PLCE1: variants seen among roughly 807,000 people sequenced by gnomAD.
The protein encoded by PLCE1 is 1-phosphatidylinositol 4,5-bisphosphate phosphodiesterase epsilon-1.
In PLCE1, 119 loss-of-function variants were observed where a neutral mutation model predicts 242.8. The observed-to-expected ratio is 0.49, with a 90% confidence interval of 0.42 to 0.57. PLCE1 has a LOEUF of 0.57. Ranked by LOEUF, PLCE1 falls within the 20% of genes least tolerant of loss-of-function variation. PLCE1 has a pLI of 0.00. For synonymous variants in PLCE1, 945 were observed against 1,017.4 expected (o/e 0.93, Z 1.35); for missense variants, 2,441 against 2,788.8 (o/e 0.88, Z 2.81).
At chr10:94,166,174 A>G (rs2047795991) in intron 3 of PLCE1, among the ~76,000 whole-genome samples, 1 of 152,202 alleles carries the variant, frequency 6.6e-6, no homozygotes, top group South Asian at 2.1e-4. Flanking sequence ...ATAATATTCC[A>G]TTGTTCTCAA....
intron 4 of PLCE1, among the ~76,000 whole-genome samples, chr10:94,215,914 C>G (rs972722075): frequency 6.6e-6 from 1 of 151,806 alleles, no homozygotes. Flanking sequence ...CAATGAGACC[C>G]GAACTCAAAT....
chr10:94,000,897 C>G (rs1370459387), intron 1 of PLCE1, among the ~76,000 whole-genome samples: 1 of 152,172 alleles, frequency 6.6e-6, no homozygotes, highest in Non-Finnish European at 1.5e-5. Context: ...TGTCTTTTCT[C>G]CCCTGACTAC....
chr10:94,258,891 G>A lies in PLCE1; in HGVS notation c.3646G>A (p.Val1216Ile), dbSNP rs745345130. The change falls in exon 12 of 33, where the codon GTT (valine) becomes ATT (isoleucine). Residue 1216 changes from valine to isoleucine, a missense_variant. Coordinates refer to ENST00000371380, the MANE Select transcript of PLCE1 (RefSeq NM_016341.4). ...GGTTTCAGATAGCAACATGAGTTTTGTTGAATTTGTTGAGCTGTTCAAATC... is the reference window on the plus strand; with the variant it reads ...GGTTTCAGATAGCAACATGAGTTTTATTGAATTTGTTGAGCTGTTCAAATC... ...FMVSDSNMSF[V>I]EFVELFKSFS... 5.6e-6 allele frequency: 9 copies of A among 1,613,978 alleles called. No individual in the cohort carries two copies. Among genetic ancestry groups the A allele is most frequent in the Non-Finnish European group, 7.6e-6 (9 of 1,179,990 alleles).
intron 2 of PLCE1, among the ~76,000 whole-genome samples, chr10:94,042,407 T>A (rs751954876): frequency 6.6e-6 from 1 of 152,210 alleles, no homozygotes; most frequent in Non-Finnish European, 1.5e-5. Flanking sequence ...CCCATTTCAT[T>A]GGGTCCTGTG....
At chr10:94,081,718 A>G (rs535773550) in intron 2 of PLCE1, among the ~76,000 whole-genome samples, 1 of 152,350 alleles carries the variant, frequency 6.6e-6, no homozygotes, top group South Asian at 2.1e-4. Flanking sequence ...AGCTTTATAG[A>G]TGAAGTGACT....
chr10:94,318,490 A>C (rs1180429512), intron 29 of PLCE1, among the ~76,000 whole-genome samples: 2 of 152,242 alleles, frequency 1.3e-5, no homozygotes, highest in Non-Finnish European at 2.9e-5. Context: ...TTTACACTTA[A>C]GGAAATAGAT....
intron 18 of PLCE1, among the ~76,000 whole-genome samples, chr10:94,271,820 AAG>A (rs1186031528): frequency 6.6e-6 from 1 of 152,202 alleles, no homozygotes; most frequent in Non-Finnish European, 1.5e-5. Flanking sequence ...AAAGAATACA[AAG>A]AGAGGAATTT....
intron 13 of PLCE1, 135 bp downstream of exon 13, chr10:94,259,285 AT>A (rs369272321): frequency 0.21 from 133,792 of 652,082 alleles, 216 homozygotes; most frequent in South Asian, 0.26. Flanking sequence ...ACTTAAGAGA[AT>A]TTTTTTTTTT....
chr10:94,227,243 G>T, intron 4 of PLCE1, 63 bp from the exon 5 acceptor site: 2 of 1,511,472 alleles, frequency 1.3e-6, no homozygotes, highest in Non-Finnish European at 1.8e-6. Context: ...GAATGCTTTT[G>T]GAAAAAAAAA....
rs141091590 is a variant in PLCE1 at position 94,217,351 on chromosome 10, G to C, written c.1810-9955G>C. On this transcript the variant is annotated intron_variant, in intron 4 of 32. Transcript: ENST00000371380. Reference sequence around the variant, plus strand: ...TGATTTATAAATGGTCCCACAATAGGATCAGGATAGTTCGGAGCTAACAGC... The same window carrying C: ...TGATTTATAAATGGTCCCACAATAGCATCAGGATAGTTCGGAGCTAACAGC... 5.3e-5 allele frequency among the ~76,000 whole-genome samples: 8 copies of C among 152,220 alleles called. No homozygotes were observed. The East Asian group carries it at 1.5e-3, about 29-fold the overall frequency.
intron 3 of PLCE1, among the ~76,000 whole-genome samples, chr10:94,148,193 T>G (rs1473943873): frequency 6.6e-6 from 1 of 152,074 alleles, no homozygotes. Flanking sequence ...ATAAAGTGAT[T>G]AGAACACTGT....
At chr10:94,011,826 G>T (rs569789730) in intron 1 of PLCE1, among the ~76,000 whole-genome samples, 1 of 152,188 alleles carries the variant, frequency 6.6e-6, no homozygotes, top group South Asian at 2.1e-4. Flanking sequence ...GAAAAGAAAT[G>T]GAGGGACCTT....
intron 23 of PLCE1, among the ~76,000 whole-genome samples, chr10:94,294,786 G>A (rs944529245): frequency 3.3e-5 from 5 of 152,052 alleles, no homozygotes; most frequent in Admixed American, 6.6e-5. Context: ...GAAGGCTAGG[G>A]TGTCTGGCAG....
At chr10:94,090,147 C>T (rs765390792) in intron 2 of PLCE1, among the ~76,000 whole-genome samples, 11 of 151,796 alleles carry the variant, frequency 7.2e-5, no homozygotes, top group Admixed American at 2.6e-4. Flanking sequence ...ACCACCAACT[C>T]ATTTCCAAAT....
intron 4 of PLCE1, among the ~76,000 whole-genome samples, chr10:94,209,721 A>G (rs189959473): frequency 6.6e-6 from 1 of 152,234 alleles, no homozygotes; most frequent in South Asian, 2.1e-4. Context: ...CAAAAATTGT[A>G]ATTTCCAAAT....
intron 2 of PLCE1, among the ~76,000 whole-genome samples, chr10:94,039,405 G>A (rs561576077): frequency 6.6e-6 from 1 of 151,144 alleles, no homozygotes; most frequent in Non-Finnish European, 1.5e-5. Flanking sequence ...TCCCGGAGAC[G>A]GAGTCTTGCT....
intron 2 of PLCE1, among the ~76,000 whole-genome samples, chr10:94,066,064 A>G (rs893601867): frequency 2.6e-4 from 39 of 152,226 alleles, no homozygotes; most frequent in African/African-American, 9.2e-4. Context: ...AAAACAATCT[A>G]TACTCTCAGG....
chr10:94,153,671 A>G (rs189162110), intron 3 of PLCE1, among the ~76,000 whole-genome samples: 1 of 152,224 alleles, frequency 6.6e-6, no homozygotes. Flanking sequence ...TATTAGAATT[A>G]ATAAATGAGT....
At chr10:94,067,827 G>A (rs1231513936) in intron 2 of PLCE1, among the ~76,000 whole-genome samples, 1 of 152,186 alleles carries the variant, frequency 6.6e-6, no homozygotes, top group Non-Finnish European at 1.5e-5. Context: ...TTTGGATGAG[G>A]ATAAGGGAGA....
Sources: gnomAD v4.1 joint callset for allele counts (sites outside exome capture counted in the v4.1 genomes callset) on GRCh38, gnomAD v4.1.1 for gene constraint, MANE v1.5 for transcripts, NCBI Gene and HGNC (gene_info 2026-07-23, HGNC 2026-07-21) for gene names.